CHLSN: variants seen among roughly 807,000 people sequenced by gnomAD.
CHLSN encodes cholesin, also known as protein cholesin.
At chr7:1,120,049 GA>G in the CHLSN span, among the ~76,000 whole-genome samples, 2 of 151,740 alleles carry the variant, frequency 1.3e-5, no homozygotes, top group African/African-American at 2.4e-5. Flanking sequence ...AAGTCATAAA[GA>G]AAAAAACTGA....
chr7:1,012,457 G>T, the CHLSN span, among the ~76,000 whole-genome samples: 1 of 152,268 alleles, frequency 6.6e-6, no homozygotes, highest in Non-Finnish European at 1.5e-5. Flanking sequence ...CTTCCTGAGC[G>T]CCCGGTGCAG....
chr7:1,055,503 G>A, the CHLSN span: 8 of 452,632 alleles, frequency 1.8e-5, no homozygotes, highest in Admixed American at 2.4e-5. Flanking sequence ...TGTGGTGCCC[G>A]CAGGTGGGAG....
chr7:978,772 C>T, the CHLSN span, among the ~76,000 whole-genome samples: 81 of 152,372 alleles, frequency 5.3e-4, no homozygotes, highest in African/African-American at 3.4e-4. Flanking sequence ...CGTTATCTGC[C>T]GCTGCATAAC....
the CHLSN span, among the ~76,000 whole-genome samples, chr7:1,001,586 A>G: frequency 1.8e-5 from 1 of 55,368 alleles, no homozygotes; most frequent in South Asian, 7.6e-4. Flanking sequence ...CCTGTGGGTG[A>G]GTGGAGTCCT....
At chr7:1,117,645 AC>A in the CHLSN span, among the ~76,000 whole-genome samples, 1 of 132,702 alleles carries the variant, frequency 7.5e-6, no homozygotes, top group African/African-American at 2.9e-5. Flanking sequence ...CTACAGCTCT[AC>A]GGACCGGCTT....
chr7:1,105,743 T>A, the CHLSN span, among the ~76,000 whole-genome samples: 193 of 152,358 alleles, frequency 1.3e-3, no homozygotes, highest in Admixed American at 2.1e-3. Context: ...GCCTCCTGAG[T>A]AGCTGAGATT....
chr7:1,106,137 C>A, the CHLSN span, among the ~76,000 whole-genome samples: 1 of 152,210 alleles, frequency 6.6e-6, no homozygotes, highest in African/African-American at 2.4e-5. Flanking sequence ...GTAGCTTCTA[C>A]CCGCTGCTCA....
the CHLSN span, among the ~76,000 whole-genome samples, chr7:1,076,574 G>C: frequency 0.024 from 3,723 of 152,372 alleles, 85 homozygotes; most frequent in Non-Finnish European, 0.042. Flanking sequence ...GTCATGCACA[G>C]GGCACAAGCA....
the CHLSN span, among the ~76,000 whole-genome samples, chr7:1,129,760 T>C: frequency 6.6e-6 from 1 of 152,216 alleles, no homozygotes; most frequent in Non-Finnish European, 1.5e-5. Context: ...GTCTTTTTTC[T>C]GAGTGTTTTT....
chr7:1,081,174 C>T, the CHLSN span, among the ~76,000 whole-genome samples: 6 of 152,238 alleles, frequency 3.9e-5, no homozygotes, highest in Non-Finnish European at 7.3e-5. Context: ...CCACCAGGGC[C>T]GGGGACGGTG....
chr7:1,057,941 C>T, the CHLSN span: 27 of 773,376 alleles, frequency 3.5e-5, no homozygotes, highest in African/African-American at 4.2e-4. Context: ...CCAGCGTGTA[C>T]AACACGCGGC....
the CHLSN span, among the ~76,000 whole-genome samples, chr7:1,122,105 C>T: frequency 6.6e-6 from 1 of 152,206 alleles, no homozygotes; most frequent in East Asian, 1.9e-4. Context: ...CATGAGGTAA[C>T]CAGAGTCAGA....
At chr7:1,028,688 C>T in the CHLSN span, 1 of 545,070 alleles carries the variant, frequency 1.8e-6, no homozygotes, top group Non-Finnish European at 2.3e-6. Context: ...TCCCTCATCT[C>T]CCCCATCTGC....
chr7:994,934 C>T, the CHLSN span, among the ~76,000 whole-genome samples: 11 of 152,246 alleles, frequency 7.2e-5, no homozygotes, highest in Admixed American at 3.3e-4. Context: ...AATCTTGATC[C>T]GCCACCTGGC....
the CHLSN span, among the ~76,000 whole-genome samples, chr7:1,061,227 C>T: frequency 6.6e-6 from 1 of 152,160 alleles, no homozygotes; most frequent in Non-Finnish European, 1.5e-5. Flanking sequence ...GACTGGCCTG[C>T]ATTCAATACC....
the CHLSN span, chr7:1,010,239 G>C: frequency 8.8e-7 from 1 of 1,140,912 alleles, no homozygotes; most frequent in African/African-American, 1.6e-5. Flanking sequence ...CACCTCAGTA[G>C]TGGCCAAAAG....
chr7:1,039,158 C>T, the CHLSN span, among the ~76,000 whole-genome samples: 3 of 30,354 alleles, frequency 9.9e-5, no homozygotes, highest in East Asian at 7.9e-4. Flanking sequence ...CCCCTCTGCC[C>T]GGCCAGCCGC....
the CHLSN span, chr7:1,056,427 C>A: frequency 4.6e-5 from 7 of 152,570 alleles, no homozygotes; most frequent in African/African-American, 1.7e-4. Flanking sequence ...CCCACACCTC[C>A]CGTCCTGCCC....
At chr7:1,033,696 G>A in the CHLSN span, among the ~76,000 whole-genome samples, 369 of 152,306 alleles carry the variant, frequency 2.4e-3, 2 homozygotes, top group African/African-American at 7.7e-3. Flanking sequence ...CCAGGAAATC[G>A]GTAACGGAGG....
Sources: gnomAD v4.1 joint callset for allele counts (sites outside exome capture counted in the v4.1 genomes callset) on GRCh38, gnomAD v4.1.1 for gene constraint, MANE v1.5 for transcripts, NCBI Gene and HGNC (gene_info 2026-07-23, HGNC 2026-07-21) for gene names.